IRAK2: variants seen among roughly 807,000 people sequenced by gnomAD.
The protein encoded by IRAK2 is interleukin-1 receptor-associated kinase-like 2.
A neutral mutation model predicts 72.0 loss-of-function variants in IRAK2; 57 were observed. That is an observed-to-expected ratio of 0.79 (90% CI 0.64 to 0.99). The LOEUF (loss-of-function observed/expected upper bound fraction) is 0.99. Among genes scored for constraint, IRAK2 ranks in the 50% least tolerant of loss-of-function variants. IRAK2 has a pLI of 0.00. For missense variants in IRAK2, 790 were observed against 794.4 expected, an observed-to-expected ratio of 0.99 and a Z score of 0.07; for synonymous variants, 293 against 312.7, an observed-to-expected ratio of 0.94 and a Z score of 0.67.
chr3:10,226,945 CAAAAA>C (rs200295331), intron 10 of IRAK2, among the ~76,000 whole-genome samples: 2 of 96,808 alleles, frequency 2.1e-5, no homozygotes, highest in Non-Finnish European at 4.2e-5. Flanking sequence ...GACTCCATCT[CAAAAA>C]AAAAAAAAAA....
chr3:10,192,715 TCGAGACCAGCC>T (rs1697196267), intron 2 of IRAK2, among the ~76,000 whole-genome samples: 3 of 152,138 alleles, frequency 2.0e-5, no homozygotes, highest in Non-Finnish European at 2.9e-5. Flanking sequence ...GGTCAGGAGT[TCGAGACCAGCC>T]TGGCCAATAT....
intron 2 of IRAK2, among the ~76,000 whole-genome samples, chr3:10,184,834 A>G (rs1191825180): frequency 7.0e-6 from 1 of 143,230 alleles, no homozygotes; most frequent in Non-Finnish European, 1.5e-5. Flanking sequence ...GGTTCACGCC[A>G]TTCTCTTGCC....
chr3:10,178,214 T>C (rs1696908272), intron 2 of IRAK2, among the ~76,000 whole-genome samples, 194 bp downstream of exon 2: 1 of 152,168 alleles, frequency 6.6e-6, no homozygotes, highest in African/African-American at 2.4e-5. Context: ...TCCCAGCACT[T>C]CCGGAGGCTG....
chr3:10,231,954 G>T (rs1276254970), intron 10 of IRAK2, among the ~76,000 whole-genome samples: 1 of 152,152 alleles, frequency 6.6e-6, no homozygotes, highest in East Asian at 1.9e-4. Context: ...GTGAAACCCC[G>T]TCTCTACTAA....
chr3:10,171,323 G>A (rs1441804124), intron 1 of IRAK2, among the ~76,000 whole-genome samples: 1 of 152,124 alleles, frequency 6.6e-6, no homozygotes, highest in Non-Finnish European at 1.5e-5. Flanking sequence ...ATCTCTCTCT[G>A]AGCCTTTAGT....
rs1038143889 is a variant in IRAK2, at chr3:10,237,582, C to T, written c.1474-1166C>T. 4.0e-5 allele frequency among the ~76,000 whole-genome samples: 6 copies of T among 151,898 alleles called. No homozygotes were observed. In the South Asian group the frequency reaches 1.0e-3, roughly 26 times the overall value. ...CAGCACTTTGGGAGGCCGAGGCGGG[C>T]GGATCACGAGGTCAGGAGATCGAGA... is the stretch of plus-strand genomic sequence containing the variant. On this transcript the variant is annotated intron_variant, in intron 11 of 12. Coordinates refer to ENST00000256458, the MANE Select transcript of IRAK2 (RefSeq NM_001570.4).
In IRAK2 at chr3:10,175,513, A is replaced by G. The variant is rs558710293; in HGVS notation, c.95-2325A>G. Among the ~76,000 whole-genome samples the G allele has an allele frequency of 3.9e-5, 6 of 152,222 alleles. No individual in the cohort carries two copies. In the South Asian group the frequency reaches 1.2e-3, roughly 32 times the overall value. On this transcript the variant is annotated intron_variant, in intron 1 of 12. Transcript: ENST00000256458. ...TCACACCTGCAATCCCAGCACTTTA[A>G]GAGGTTGAGGTGGGAAGATTGCTTG...
chr3:10,184,536 A>G (rs1193908399), intron 2 of IRAK2, among the ~76,000 whole-genome samples: 3 of 151,754 alleles, frequency 2.0e-5, no homozygotes, highest in Non-Finnish European at 4.4e-5. Context: ...ACCAAAGAGA[A>G]GCTGTCTGCA....
chr3:10,202,854 G>T (rs1455987282), intron 3 of IRAK2, among the ~76,000 whole-genome samples: 1 of 151,762 alleles, frequency 6.6e-6, no homozygotes, highest in East Asian at 1.9e-4. Flanking sequence ...ACTACGGCCG[G>T]CTAATTTTTT....
At position 10,165,830 on chromosome 3, in the gene IRAK2, A is replaced by C. The variant is rs1442995868; in HGVS notation, c.94+782A>C. On this transcript the variant is annotated intron_variant, in intron 1 of 12. Transcript: ENST00000256458. ...GTTGCAAGCTCCGCCTCCCGGGTTCACGCCATTCTCCTGCCTCAGCCTTCT... is the reference window on the plus strand; with the variant it reads ...GTTGCAAGCTCCGCCTCCCGGGTTCCCGCCATTCTCCTGCCTCAGCCTTCT... Among the ~76,000 whole-genome samples, 7 of 145,598 alleles carry C rather than the reference A, an allele frequency of 4.8e-5. No individual in the cohort carries two copies. In the East Asian group the frequency reaches 6.1e-4, roughly 13 times the overall value.
chr3:10,231,332 C>G (rs888063194), intron 10 of IRAK2, among the ~76,000 whole-genome samples: 2 of 152,024 alleles, frequency 1.3e-5, no homozygotes, highest in Non-Finnish European at 2.9e-5. Flanking sequence ...CCCTCTGTGG[C>G]CCAGGCTGGA....
At chr3:10,234,943 C>A (rs938408739) in intron 11 of IRAK2, among the ~76,000 whole-genome samples, 12 of 152,208 alleles carry the variant, frequency 7.9e-5, no homozygotes, top group Non-Finnish European at 1.2e-4. Context: ...TCTCTATAGG[C>A]CCCTTCCCCT....
intron 3 of IRAK2, among the ~76,000 whole-genome samples, chr3:10,202,510 C>T (rs1697377708): frequency 6.6e-6 from 1 of 152,028 alleles, no homozygotes; most frequent in South Asian, 2.1e-4. Flanking sequence ...GTAGTCCCAG[C>T]TACGCGAGAG....
Position 10,234,633 on chromosome 3 carries a change from C to A in IRAK2, c.1447C>A (p.Arg483=). 3 of 1,613,156 alleles carry A rather than the reference C, an allele frequency of 1.9e-6. No homozygotes were observed. The highest frequency in any genetic ancestry group is 2.5e-6 in the Non-Finnish European group (3 of 1,179,840). Residue 483 remains arginine, a synonymous_variant, in exon 11 of 13, where the codon CGG becomes AGG. Transcript: ENST00000256458. ...ALATAACLCL[R]RRNTSLQEVC... is the part of the protein sequence containing the mutation. ...GGCCACGGCTGCCTGCCTGTGCCTG[C>A]GGAGGCGTAACACCAGCCTGCAGGA...
intron 1 of IRAK2, among the ~76,000 whole-genome samples, chr3:10,167,786 G>A (rs986502744): frequency 5.3e-5 from 8 of 152,040 alleles, no homozygotes; most frequent in African/African-American, 7.2e-5. Flanking sequence ...TCAGTTGTTG[G>A]GCATTGGGTT....
intron 10 of IRAK2, among the ~76,000 whole-genome samples, chr3:10,229,418 A>T (rs1697826758): frequency 6.6e-6 from 1 of 152,160 alleles, no homozygotes; most frequent in African/African-American, 2.4e-5. Flanking sequence ...CCCAGCCTGT[A>T]TGAGTTTTGA....
intron 2 of IRAK2, among the ~76,000 whole-genome samples, chr3:10,198,634 C>T (rs758240761): frequency 2.0e-5 from 3 of 152,136 alleles, no homozygotes; most frequent in Non-Finnish European, 4.4e-5. Flanking sequence ...TAAATATGCA[C>T]GGTGCCATAC....
chr3:10,184,830 C>T (rs1239267215), intron 2 of IRAK2, among the ~76,000 whole-genome samples: 3 of 148,834 alleles, frequency 2.0e-5, no homozygotes, highest in South Asian at 2.2e-4. Flanking sequence ...CCCAGGTTCA[C>T]GCCATTCTCT....
intron 1 of IRAK2, among the ~76,000 whole-genome samples, chr3:10,175,665 G>T (rs907112676): frequency 1.3e-5 from 2 of 152,044 alleles, no homozygotes; most frequent in African/African-American, 4.8e-5. Flanking sequence ...CGAGGCAGGC[G>T]CATCACAAGG....
Sources: allele counts gnomAD v4.1 joint callset (sites outside exome capture counted in the v4.1 genomes callset), GRCh38; gene constraint gnomAD v4.1.1; transcripts MANE v1.5; gene names NCBI Gene and HGNC (gene_info 2026-07-23, HGNC 2026-07-21).